PAX5: variants seen among roughly 807,000 people sequenced by gnomAD.
The protein encoded by PAX5 is paired box protein Pax-5.
Under a neutral mutation model 43.7 loss-of-function variants are expected in PAX5, and 9 were observed. The ratio of observed to expected loss-of-function variants is 0.21; its 90% CI spans 0.12 to 0.36. The LOEUF (loss-of-function observed/expected upper bound fraction) is 0.36. PAX5 is among the 10% of genes least tolerant of loss of function. The pLI is 1.00. For missense variants in PAX5, 383 were observed against 532.7 expected (o/e 0.72, Z 2.77); for synonymous variants, 228 against 214.3 (o/e 1.06, Z -0.56).
In PAX5 at chr9:36,932,428, T is replaced by C. The variant is rs1831206532; in HGVS notation, c.781-8944A>G. On this transcript the variant is annotated intron_variant, in intron 6 of 9. Transcript: ENST00000358127. Reference sequence around the variant, plus strand: ...ACAGTGAAAAGGGGTGGAGTGCTGATACATGTTACAACATGGATGAATCTC... The same window carrying C: ...ACAGTGAAAAGGGGTGGAGTGCTGACACATGTTACAACATGGATGAATCTC... 3.9e-5 allele frequency among the ~76,000 whole-genome samples: 6 copies of C among 152,350 alleles called. No individual in the cohort carries two copies. The South Asian group carries it at 1.2e-3, about 32-fold the overall frequency.
intron 7 of PAX5, among the ~76,000 whole-genome samples, chr9:36,885,740 G>A (rs1005604555): frequency 6.6e-6 from 1 of 152,168 alleles, no homozygotes; most frequent in African/African-American, 2.4e-5. Flanking sequence ...GGGAAGATGT[G>A]TGAGAAGCGC....
chr9:36,933,176 A>G (rs1805016764), intron 6 of PAX5, among the ~76,000 whole-genome samples: 1 of 151,932 alleles, frequency 6.6e-6, no homozygotes, highest in Non-Finnish European at 1.5e-5. Flanking sequence ...AAAGAAAGAA[A>G]GTCTCCATAG....
intron 8 of PAX5, among the ~76,000 whole-genome samples, chr9:36,849,601 G>A (rs891138958): frequency 1.3e-5 from 2 of 152,200 alleles, no homozygotes; most frequent in Non-Finnish European, 2.9e-5. Context: ...CAGCTCTCAC[G>A]GCCTCCGTTA....
intron 6 of PAX5, among the ~76,000 whole-genome samples, chr9:36,962,214 C>G (rs1014489398): frequency 1.5e-5 from 1 of 66,936 alleles, no homozygotes; most frequent in Non-Finnish European, 3.7e-5. Flanking sequence ...ATGGCAAGTT[C>G]TGAGAGTTCT....
intron 6 of PAX5, among the ~76,000 whole-genome samples, chr9:36,925,451 G>T (rs369310238): frequency 6.6e-6 from 1 of 152,154 alleles, no homozygotes; most frequent in East Asian, 1.9e-4. Flanking sequence ...TGGCACAGGG[G>T]TAGATAAATA....
At chr9:37,005,668 T>C (rs952380586) in intron 4 of PAX5, among the ~76,000 whole-genome samples, 7 of 152,232 alleles carry the variant, frequency 4.6e-5, no homozygotes, top group African/African-American at 1.7e-4. Context: ...TTACACAATC[T>C]GAGGTGTGAT....
intron 7 of PAX5, among the ~76,000 whole-genome samples, chr9:36,903,389 C>T (rs1828560528): frequency 6.6e-6 from 1 of 152,192 alleles, no homozygotes; most frequent in Non-Finnish European, 1.5e-5. Flanking sequence ...TAAGTAATGA[C>T]AATTATCTTT....
At chr9:37,008,725 T>C (rs902539508) in intron 3 of PAX5, among the ~76,000 whole-genome samples, 1 of 152,172 alleles carries the variant, frequency 6.6e-6, no homozygotes, top group African/African-American at 2.4e-5. Context: ...TCAGCTTAAG[T>C]GTTCCCTCAA....
intron 9 of PAX5, 34 bp from the exon 10 acceptor site, chr9:36,840,670 T>A: frequency 3.5e-6 from 5 of 1,425,208 alleles, no homozygotes; most frequent in Non-Finnish European, 4.8e-6. Context: ...CGAGGTCAGA[T>A]CCGGGGTCCC....
At chr9:36,995,522 G>A (rs997784525) in intron 5 of PAX5, among the ~76,000 whole-genome samples, 2 of 152,222 alleles carry the variant, frequency 1.3e-5, no homozygotes, top group African/African-American at 4.8e-5. Flanking sequence ...GGGGCTGGCT[G>A]TCAACAGTGG....
At position 37,001,810 on chromosome 9, in the gene PAX5, C is replaced by CTTTTTT. The variant is rs3073720; in HGVS notation, c.604+832_604+837dup. Among the ~76,000 whole-genome samples, 802 of 87,808 alleles carry CTTTTTT rather than the reference C, an allele frequency of 9.1e-3. 2 individuals are homozygous for CTTTTTT. The highest frequency in any genetic ancestry group is 0.016 in the East Asian group (41 of 2,504). The allele number at this position is 87,808 out of a possible 152,430, so 57.6% of individuals were successfully genotyped here. ...CTCAGGCCCTAGACCACAGCTCTGGCTTTTTTTTTTTTTTTTTTTTTTTTC... is the reference window on the plus strand; with the variant it reads ...CTCAGGCCCTAGACCACAGCTCTGGCTTTTTTTTTTTTTTTTTTTTTTTTTTTTTTC... On this transcript the variant is annotated intron_variant, in intron 5 of 9. Coordinates refer to ENST00000358127, the MANE Select transcript of PAX5 (RefSeq NM_016734.3).
intron 7 of PAX5, among the ~76,000 whole-genome samples, chr9:36,884,321 A>C: frequency 6.6e-6 from 1 of 152,242 alleles, no homozygotes. Context: ...CATTCTATGT[A>C]TGCAAGGATG....
chr9:36,974,238 G>T (rs1835228345), intron 5 of PAX5, among the ~76,000 whole-genome samples: 1 of 152,120 alleles, frequency 6.6e-6, no homozygotes, highest in Non-Finnish European at 1.5e-5. Flanking sequence ...TTGTTCTGGG[G>T]CTATGTTAGC....
intron 8 of PAX5, among the ~76,000 whole-genome samples, chr9:36,869,683 C>T (rs1405598384): frequency 1.3e-5 from 2 of 152,228 alleles, no homozygotes. Context: ...CACAGATTTG[C>T]CTGACAAGGG....
intron 6 of PAX5, among the ~76,000 whole-genome samples, chr9:36,924,201 A>G (rs1180597563): frequency 2.6e-5 from 4 of 152,188 alleles, no homozygotes; most frequent in Non-Finnish European, 2.9e-5. Flanking sequence ...CACACCAACC[A>G]TGTGTATTTA....
intron 5 of PAX5, among the ~76,000 whole-genome samples, chr9:36,971,054 C>T (rs1469148932): frequency 6.6e-6 from 1 of 152,228 alleles, no homozygotes; most frequent in African/African-American, 2.4e-5. Context: ...CATTTGACCT[C>T]ACACATTCAT....
At chr9:36,908,307 C>G (rs375650307) in intron 7 of PAX5, among the ~76,000 whole-genome samples, 1 of 151,936 alleles carries the variant, frequency 6.6e-6, no homozygotes, top group African/African-American at 2.4e-5. Context: ...TGTTGCTTCC[C>G]CATAAAACCT....
intron 5 of PAX5, among the ~76,000 whole-genome samples, chr9:36,994,946 A>T (rs190044828): frequency 8.9e-4 from 135 of 152,240 alleles, no homozygotes; most frequent in African/African-American, 3.1e-3. Flanking sequence ...ACCACACCCC[A>T]GCAGAACCTT....
chr9:36,966,335 A>C (rs1025414496), intron 6 of PAX5, among the ~76,000 whole-genome samples: 2 of 152,214 alleles, frequency 1.3e-5, no homozygotes, highest in African/African-American at 4.8e-5. Context: ...CGACAGAGGC[A>C]CCAGGGCAAG....
Sources: allele counts gnomAD v4.1 joint callset (sites outside exome capture counted in the v4.1 genomes callset), GRCh38; gene constraint gnomAD v4.1.1; transcripts MANE v1.5; gene names NCBI Gene and HGNC (gene_info 2026-07-23, HGNC 2026-07-21).